Variants in GALNTL6 observed in about 807,000 individuals in gnomAD.
The protein encoded by GALNTL6 is polypeptide N-acetylgalactosaminyltransferase-like 6.
In GALNTL6, 46 loss-of-function variants were observed where a neutral mutation model predicts 73.7. The ratio of observed to expected loss-of-function variants is 0.62; its 90% CI spans 0.49 to 0.80. GALNTL6 has a LOEUF of 0.80. GALNTL6 is among the 30% of genes least tolerant of loss of function. The pLI is 0.00. For missense variants in GALNTL6, 604 were observed against 755.0 expected, an observed-to-expected ratio of 0.80 and a Z score of 2.34; for synonymous variants, 259 against 263.7, an observed-to-expected ratio of 0.98 and a Z score of 0.17.
rs534402773 is a variant in GALNTL6 at position 172,910,204 on chromosome 4, G to A, written c.1042-20957G>A. 3.7e-4 allele frequency among the ~76,000 whole-genome samples: 57 copies of A among 152,074 alleles called. No individual in the cohort carries two copies. In the South Asian group the frequency reaches 7.9e-3, roughly 21 times the overall value. On this transcript the variant is annotated intron_variant, in intron 8 of 12. Coordinates refer to ENST00000506823, the MANE Select transcript of GALNTL6 (RefSeq NM_001034845.3). ...CTCATGAATCCAACAAATATTTGTC[G>A]AAAGCCTATTATGTGAAAATGACAT...
At chr4:171,831,490 C>T (rs377009187) in intron 2 of GALNTL6, among the ~76,000 whole-genome samples, 28 of 152,034 alleles carry the variant, frequency 1.8e-4, no homozygotes, top group East Asian at 5.8e-4. Flanking sequence ...ACTAGCACTA[C>T]GGTCAACTTT....
intron 2 of GALNTL6, among the ~76,000 whole-genome samples, chr4:172,149,817 TAC>T (rs2110758064): frequency 6.6e-6 from 1 of 152,286 alleles, no homozygotes; most frequent in Admixed American, 6.5e-5. Flanking sequence ...CCACTGTCCA[TAC>T]CCTTCTCATG....
chr4:171,913,755 A>G (rs1432492259), intron 2 of GALNTL6, among the ~76,000 whole-genome samples: 3 of 152,170 alleles, frequency 2.0e-5, no homozygotes, highest in Non-Finnish European at 2.9e-5. Context: ...GGTGGTAATG[A>G]AAACTTTACA....
intron 5 of GALNTL6, among the ~76,000 whole-genome samples, chr4:172,550,759 A>G (rs1735927444): frequency 6.6e-6 from 1 of 152,112 alleles, no homozygotes; most frequent in African/African-American, 2.4e-5. Flanking sequence ...CACCATGCCC[A>G]GCTCATTGCA....
rs551251226 is a variant in GALNTL6 at position 172,340,058 on chromosome 4, C to T, written c.387-8465C>T. 6.6e-4 allele frequency among the ~76,000 whole-genome samples: 101 copies of T among 152,224 alleles called. 1 individual carries two copies. In the East Asian group the frequency reaches 0.01, roughly 15 times the overall value. ...GAATAGGAGTCTCAAAATTAAGTAT[C>T]TTTGTCTTGTTCCTGATCTTAGAGG... is the stretch of plus-strand genomic sequence containing the variant. On this transcript the variant is annotated intron_variant, in intron 4 of 12. Transcript: ENST00000506823.
At chr4:172,813,815 C>A in intron 7 of GALNTL6, 92 bp downstream of exon 7, 2 of 975,236 alleles carry the variant, frequency 2.1e-6, no homozygotes, top group Non-Finnish European at 3.0e-6. Context: ...TTATCTCTAA[C>A]AAAATGGAAT....
At chr4:171,998,486 T>A (rs1488768934) in intron 2 of GALNTL6, among the ~76,000 whole-genome samples, 3 of 152,114 alleles carry the variant, frequency 2.0e-5, no homozygotes, top group Admixed American at 2.0e-4. Context: ...AAAAGTCTCA[T>A]TTTAACTTAA....
chr4:172,094,316 C>G (rs1438098822), intron 2 of GALNTL6, among the ~76,000 whole-genome samples: 2 of 152,010 alleles, frequency 1.3e-5, no homozygotes, highest in Non-Finnish European at 2.9e-5. Context: ...TTGTATAACA[C>G]TGAAAAGATT....
At chr4:172,002,570 A>G (rs1740711726) in intron 2 of GALNTL6, among the ~76,000 whole-genome samples, 1 of 152,160 alleles carries the variant, frequency 6.6e-6, no homozygotes, top group Non-Finnish European at 1.5e-5. Context: ...ACTATATTTG[A>G]GTTCTACTAA....
intron 2 of GALNTL6, among the ~76,000 whole-genome samples, chr4:171,980,496 T>C (rs332991): frequency 0.9 from 136,670 of 152,262 alleles, 62,843 homozygotes; most frequent in Non-Finnish European, 1. Context: ...AATTCAAAAG[T>C]GCACAAAAAG....
intron 5 of GALNTL6, among the ~76,000 whole-genome samples, chr4:172,530,893 T>C (rs1231417898): frequency 6.8e-6 from 1 of 147,816 alleles, no homozygotes; most frequent in East Asian, 2.0e-4. Context: ...ATTCTGATTG[T>C]AAACAATGTT....
At chr4:172,761,918 T>C (rs183691398) in intron 5 of GALNTL6, among the ~76,000 whole-genome samples, 153 of 152,320 alleles carry the variant, frequency 1.0e-3, no homozygotes, top group Middle Eastern at 6.8e-3. Flanking sequence ...TTCCCATTTC[T>C]CAGAAAACAT....
chr4:172,032,080 T>A lies in GALNTL6; in HGVS notation c.139-197576T>A, dbSNP rs1201490931. Among the ~76,000 whole-genome samples, 9 of 152,224 alleles carry A rather than the reference T, an allele frequency of 5.9e-5. No individual in the cohort carries two copies. In the East Asian group the frequency reaches 1.5e-3, roughly 26 times the overall value. On this transcript the variant is annotated intron_variant, in intron 2 of 12. Coordinates refer to ENST00000506823, the MANE Select transcript of GALNTL6 (RefSeq NM_001034845.3). The stretch of plus-strand genomic sequence containing the variant: ...CAAAAACCAGTAAAGGAGTAAAATA[T>A]TTGGCAACTATTGGGCAAGTATAAG...
rs113569936 is a variant in GALNTL6, at chr4:172,181,716, T to C, written c.139-47940T>C. ...ATGCCATCATCTCAGCCCCAAATCT[T>C]CTTTTTTTTTTTTTTTTTGAGTTGG... On this transcript the variant is annotated intron_variant, in intron 2 of 12. Coordinates refer to ENST00000506823, the MANE Select transcript of GALNTL6 (RefSeq NM_001034845.3). Among the ~76,000 whole-genome samples the C allele has an allele frequency of 1.8e-3, 267 of 150,504 alleles. 1 individual carries two copies. Among genetic ancestry groups the C allele is most frequent in the African/African-American group, 6.1e-3 (249 of 40,734 alleles).
At chr4:172,268,359 T>C (rs1387960850) in intron 3 of GALNTL6, among the ~76,000 whole-genome samples, 1 of 152,082 alleles carries the variant, frequency 6.6e-6, no homozygotes, top group African/African-American at 2.4e-5. Context: ...GAGCAGAAAG[T>C]TGGGCTGCTG....
At chr4:172,127,266 C>T (rs549756585) in intron 2 of GALNTL6, among the ~76,000 whole-genome samples, 7 of 152,202 alleles carry the variant, frequency 4.6e-5, no homozygotes, top group South Asian at 4.1e-4. Flanking sequence ...CCCCTCAGTA[C>T]GCGGCCACTC....
intron 5 of GALNTL6, among the ~76,000 whole-genome samples, chr4:172,385,227 T>A (rs1480110870): frequency 6.6e-6 from 1 of 152,006 alleles, no homozygotes; most frequent in Non-Finnish European, 1.5e-5. Flanking sequence ...AACTCATGAG[T>A]ACCTGACAAA....
intron 5 of GALNTL6, among the ~76,000 whole-genome samples, chr4:172,349,720 G>A (rs1316348516): frequency 1.3e-5 from 2 of 151,796 alleles, no homozygotes; most frequent in African/African-American, 4.8e-5. Context: ...ACAGAAAGGA[G>A]GTTGTTTGAC....
At chr4:172,857,693 T>A (rs1482633385) in intron 7 of GALNTL6, among the ~76,000 whole-genome samples, 1 of 152,188 alleles carries the variant, frequency 6.6e-6, no homozygotes, top group Non-Finnish European at 1.5e-5. Context: ...AGGCTAAAGT[T>A]TTCTAGTCTT....
Sources: gnomAD v4.1 joint callset for allele counts (sites outside exome capture counted in the v4.1 genomes callset) on GRCh38, gnomAD v4.1.1 for gene constraint, MANE v1.5 for transcripts, NCBI Gene and HGNC (gene_info 2026-07-23, HGNC 2026-07-21) for gene names.